GPM6A: variants seen among roughly 807,000 people sequenced by gnomAD.
GPM6A encodes glycoprotein M6A.
Under a neutral mutation model 32.1 loss-of-function variants are expected in GPM6A, and 7 were observed. The observed-to-expected ratio is 0.22, with a 90% CI of 0.12 to 0.41. The LOEUF is 0.41. Among genes scored for constraint, GPM6A ranks in the 10% least tolerant of loss-of-function variants. GPM6A has a pLI of 1.00. For synonymous variants in GPM6A, 130 were observed against 123.4 expected (o/e 1.05, Z -0.35); for missense variants, 235 against 347.2 (o/e 0.68, Z 2.57).
intron 1 of GPM6A, among the ~76,000 whole-genome samples, chr4:175,705,933 C>T (rs1745164305): frequency 6.6e-6 from 1 of 151,920 alleles, no homozygotes; most frequent in Admixed American, 6.6e-5. Context: ...GAACAGATGG[C>T]TCAAATAGGG....
chr4:175,742,421 C>T (rs561268551), intron 1 of GPM6A, among the ~76,000 whole-genome samples: 1 of 152,218 alleles, frequency 6.6e-6, no homozygotes, highest in South Asian at 2.1e-4. Context: ...AGCAATAATA[C>T]ATGGGCTTAT....
chr4:175,791,159 T>G (rs1039315893), intron 1 of GPM6A, among the ~76,000 whole-genome samples: 3 of 152,166 alleles, frequency 2.0e-5, no homozygotes, highest in African/African-American at 7.2e-5. Flanking sequence ...AAATTGATTC[T>G]CAGATGAGTT....
intron 1 of GPM6A, among the ~76,000 whole-genome samples, chr4:175,952,469 C>T (rs1739847219): frequency 6.6e-6 from 1 of 152,210 alleles, no homozygotes; most frequent in Admixed American, 6.5e-5. Flanking sequence ...TTCCCAGTTG[C>T]CCATTGTAAC....
chr4:175,682,906 C>A (rs755532568), intron 2 of GPM6A, among the ~76,000 whole-genome samples: 12 of 152,142 alleles, frequency 7.9e-5, no homozygotes, highest in Non-Finnish European at 1.8e-4. Flanking sequence ...CAATGCCAAG[C>A]AGAAAAAGAG....
chr4:175,815,968 C>T (rs185205525), upstream of GPM6A, among the ~76,000 whole-genome samples: 179 of 152,214 alleles, frequency 1.2e-3, no homozygotes, highest in African/African-American at 3.8e-3. Context: ...CCGCCTACCT[C>T]GGCCTCCCAA....
chr4:175,648,349 G>C (rs1383968274), intron 4 of GPM6A, among the ~76,000 whole-genome samples: 1 of 152,128 alleles, frequency 6.6e-6, no homozygotes, highest in Non-Finnish European at 1.5e-5. Flanking sequence ...TACCTGTGTT[G>C]GAGTAAGCCG....
At chr4:175,956,086 G>A (rs1433101531) in intron 1 of GPM6A, among the ~76,000 whole-genome samples, 1 of 152,172 alleles carries the variant, frequency 6.6e-6, no homozygotes, top group Admixed American at 6.5e-5. Context: ...GGGCGCCATA[G>A]TGCACGTGCG....
chr4:175,762,662 G>A (rs1732795275), intron 1 of GPM6A, among the ~76,000 whole-genome samples: 1 of 152,126 alleles, frequency 6.6e-6, no homozygotes, highest in African/African-American at 2.4e-5. Context: ...TTATGGGAAA[G>A]TGATTCCCAG....
chr4:175,845,964 T>C (rs1736074113), intron 1 of GPM6A, among the ~76,000 whole-genome samples: 1 of 152,076 alleles, frequency 6.6e-6, no homozygotes, highest in African/African-American at 2.4e-5. Flanking sequence ...AAAAAAATGC[T>C]GTCCCCAAAG....
chr4:175,985,359 A>T (rs538939747), intron 1 of GPM6A, among the ~76,000 whole-genome samples: 39 of 152,302 alleles, frequency 2.6e-4, no homozygotes, highest in African/African-American at 9.4e-4. Flanking sequence ...TGTAAATTAG[A>T]TTTTAATTAC....
At chr4:175,933,410 A>C (rs1375869893) in intron 1 of GPM6A, among the ~76,000 whole-genome samples, 1 of 152,210 alleles carries the variant, frequency 6.6e-6, no homozygotes, top group Non-Finnish European at 1.5e-5. Flanking sequence ...ATGTACAATG[A>C]TACAGTTTTG....
chr4:175,921,851 T>TTATATATA (rs1268168045), intron 1 of GPM6A, among the ~76,000 whole-genome samples: 1 of 152,182 alleles, frequency 6.6e-6, no homozygotes, highest in East Asian at 1.9e-4. Context: ...GCAACACAAA[T>TTATATATA]TATATTAGCC....
At chr4:175,969,774 C>T (rs6848709) in intron 1 of GPM6A, among the ~76,000 whole-genome samples, 1,837 of 152,112 alleles carry the variant, frequency 0.012, 45 homozygotes, top group African/African-American at 0.041. Flanking sequence ...ACAAATGTAT[C>T]GCAACAGGGC....
rs566562174 is a variant in GPM6A at position 175,750,066 on chromosome 4, C to CT, written c.38-48300dup. Among the ~76,000 whole-genome samples the CT allele has an allele frequency of 7.8e-3, 1,170 of 149,510 alleles. 8 individuals are homozygous for CT. The highest frequency in any genetic ancestry group is 0.013 in the Non-Finnish European group (887 of 67,190). ...ATCTTTATTCGAAGTGAACCTATTG[C>CT]TTTTTTTTTTGAGATGGAGTCTCAC... is the stretch of plus-strand genomic sequence containing the variant. On this transcript the variant is annotated intron_variant, in intron 1 of 6. Coordinates refer to ENST00000393658, the MANE Select transcript of GPM6A (RefSeq NM_201591.3).
chr4:175,836,923 G>C (rs963548638), intron 1 of GPM6A, among the ~76,000 whole-genome samples: 1 of 152,132 alleles, frequency 6.6e-6, no homozygotes, highest in Non-Finnish European at 1.5e-5. Context: ...CAGGATGTCC[G>C]TGTTCTAATC....
chr4:175,664,610 T>A (rs1456625424), intron 3 of GPM6A, among the ~76,000 whole-genome samples: 1 of 152,230 alleles, frequency 6.6e-6, no homozygotes, highest in African/African-American at 2.4e-5. Flanking sequence ...AAGATTTACA[T>A]GACGCATCAG....
At chr4:175,660,048 C>T (rs955699663) in intron 3 of GPM6A, among the ~76,000 whole-genome samples, 1 of 151,918 alleles carries the variant, frequency 6.6e-6, no homozygotes, top group African/African-American at 2.4e-5. Context: ...ATGATGATTC[C>T]TCATTTGTTG....
At chr4:175,831,286 A>G (rs1454294122) in intron 1 of GPM6A, among the ~76,000 whole-genome samples, 1 of 152,168 alleles carries the variant, frequency 6.6e-6, no homozygotes, top group African/African-American at 2.4e-5. Context: ...GGAAAGGTAG[A>G]ATTATTAGTC....
chr4:175,807,359 CA>C (rs1734735565), intron 1 of GPM6A: 1 of 152,182 alleles, frequency 6.6e-6, no homozygotes, highest in South Asian at 2.1e-4. Context: ...AGGTTAAACT[CA>C]GGGAAAATTT....
Sources: gnomAD v4.1 joint callset for allele counts (sites outside exome capture counted in the v4.1 genomes callset) on GRCh38, gnomAD v4.1.1 for gene constraint, MANE v1.5 for transcripts, NCBI Gene and HGNC (gene_info 2026-07-23, HGNC 2026-07-21) for gene names.